The following ABCC5 variants were observed in gnomAD, a reference collection of about 807,000 sequenced individuals.
ABCC5 encodes the protein ATP-binding cassette sub-family C member 5.
In ABCC5, 61 loss-of-function variants were observed where a neutral mutation model predicts 160.9. That is an observed-to-expected ratio of 0.38 (90% CI 0.31 to 0.47). The LOEUF (loss-of-function observed/expected upper bound fraction) is 0.47, where lower values mean the gene tolerates loss of function less well. Ranked by LOEUF, ABCC5 falls within the 20% of genes least tolerant of loss-of-function variation. The pLI, the probability that ABCC5 is intolerant of heterozygous loss-of-function variation, is 0.99. For missense variants in ABCC5, 1,308 were observed against 1,813.3 expected (o/e 0.72, Z 5.06); for synonymous variants, 666 against 700.6 (o/e 0.95, Z 0.78).
At chr3:183,938,375 T>C (rs1713957064) in intron 25 of ABCC5, among the ~76,000 whole-genome samples, 1 of 152,006 alleles carries the variant, frequency 6.6e-6, no homozygotes, top group Non-Finnish European at 1.5e-5. Context: ...CTCGGCTCAC[T>C]GCAACCTCTG....
intron 2 of ABCC5, among the ~76,000 whole-genome samples, chr3:183,995,810 G>C (rs1720226840): frequency 6.6e-6 from 1 of 152,050 alleles, no homozygotes; most frequent in East Asian, 1.9e-4. Context: ...GGGTTTTCTT[G>C]TTGTTGTTTT....
intron 25 of ABCC5, 167 bp downstream of exon 25, chr3:183,942,560 T>G (rs763747987): frequency 2.5e-5 from 21 of 824,440 alleles, no homozygotes; most frequent in Non-Finnish European, 3.8e-5. Flanking sequence ...AAGCACTCAA[T>G]GTCATCAAAG....
rs1455483792 is a variant in ABCC5 at position 183,951,825 on chromosome 3, G to C, written c.2814+32C>G. 1.9e-6 allele frequency: 3 copies of C among 1,602,788 alleles called. No homozygotes were observed. The highest frequency in any genetic ancestry group is 2.7e-5 in the African/African-American group (2 of 74,892). On this transcript the variant is annotated intron_variant, in intron 19 of 29. Coordinates refer to ENST00000334444, the MANE Select transcript of ABCC5 (RefSeq NM_005688.4). This position sits in a 1 kb window ranked among gnomAD's most constrained non-coding sequence, Gnocchi z 4.7. ...CAAAGCCTGACCACAGGTCACCAGG[G>C]AGGAGGGCAGAGACCACCCACCAAT... is the stretch of plus-strand genomic sequence containing the variant.
intron 8 of ABCC5, among the ~76,000 whole-genome samples, chr3:183,979,245 T>C (rs183870278): frequency 2.0e-5 from 3 of 151,794 alleles, no homozygotes; most frequent in Non-Finnish European, 4.4e-5. Flanking sequence ...CTTGGGAGGC[T>C]GAGGCCGGAG....
chr3:183,953,305 G>A, intron 17 of ABCC5, 35 bp from the exon 18 acceptor site: 2 of 1,558,204 alleles, frequency 1.3e-6, no homozygotes, highest in Non-Finnish European at 1.7e-6. Context: ...GACTCAGAAG[G>A]GAAGAACTAT....
chr3:183,985,426 CA>C, intron 5 of ABCC5: 2 of 1,515,152 alleles, frequency 1.3e-6, no homozygotes, highest in Non-Finnish European at 9.2e-7. Context: ...AGACTCCCCC[CA>C]AATCCAGATC....
chr3:183,987,733 C>T lies in ABCC5; in HGVS notation c.591+37G>A, dbSNP rs912403943. On this transcript the variant is annotated intron_variant, in intron 5 of 29. Transcript: ENST00000334444. The surrounding 1 kb of genome is among the most constrained non-coding windows in gnomAD (Gnocchi z 4.2). Reference sequence around the variant, plus strand: ...AGTGTTAGAGCTGGCCGTGGCCGGGCCCCTGGAGACTGTCGGAAAGGATGG... The same window carrying T: ...AGTGTTAGAGCTGGCCGTGGCCGGGTCCCTGGAGACTGTCGGAAAGGATGG... The T allele has an allele frequency of 5.0e-6, 8 of 1,613,852 alleles. No individual in the cohort carries two copies. The highest frequency in any genetic ancestry group is 2.2e-5 in the East Asian group (1 of 44,850).
At chr3:183,994,835 G>A (rs1214343001) in intron 2 of ABCC5, among the ~76,000 whole-genome samples, 1 of 149,826 alleles carries the variant, frequency 6.7e-6, no homozygotes, top group Non-Finnish European at 1.5e-5. Context: ...ATCTGTTCAA[G>A]TCTTTTGCCC....
intron 2 of ABCC5, among the ~76,000 whole-genome samples, chr3:183,995,066 G>A (rs1720154289): frequency 6.6e-6 from 1 of 151,634 alleles, no homozygotes; most frequent in South Asian, 2.1e-4. Flanking sequence ...GGCCGGTCTT[G>A]AACTCCTGGG....
chr3:183,925,549 C>A lies in ABCC5; in HGVS notation c.4212+6G>T. On this transcript the variant is annotated splice_donor_region_variant and intron_variant, in intron 29 of 29. Transcript: ENST00000334444. ...GCCAAGCCAAAGTTCCTGAAGGACT[C>A]GGTACCTGTCCCTGGGCCAGCACCA... 6.2e-7 allele frequency: 1 copy of A among 1,611,880 alleles called. No homozygotes were observed. The highest frequency in any genetic ancestry group is 8.5e-7 in the Non-Finnish European group (1 of 1,179,488).
At chr3:184,005,901 AG>A (rs1245042468) in intron 2 of ABCC5, among the ~76,000 whole-genome samples, 2 of 113,416 alleles carry the variant, frequency 1.8e-5, no homozygotes, top group Non-Finnish European at 3.5e-5. Flanking sequence ...ATAAAGATTT[AG>A]GTACTTAAAA....
intron 2 of ABCC5, chr3:184,001,165 A>G: frequency 2.2e-6 from 1 of 448,134 alleles, no homozygotes; most frequent in East Asian, 3.3e-5. Context: ...AGGCAGGAGG[A>G]TCACAGGAGC....
rs1275102815 is a variant in ABCC5 at position 183,933,584 on chromosome 3, T to C, written c.3854+4317A>G. 2.6e-5 allele frequency among the ~76,000 whole-genome samples: 4 copies of C among 151,796 alleles called. No homozygotes were observed. In the East Asian group the frequency reaches 5.8e-4, roughly 22 times the overall value. On this transcript the variant is annotated intron_variant, in intron 26 of 29. Coordinates refer to ENST00000334444, the MANE Select transcript of ABCC5 (RefSeq NM_005688.4). ...GGAGGCAATCATGAGGGCAAAACAA[T>C]AGGGAGCTGCAGAAACACAGGCTGG...
At chr3:183,984,975 CA>C in intron 5 of ABCC5, 1 of 1,199,934 alleles carries the variant, frequency 8.3e-7, no homozygotes, top group East Asian at 2.5e-5. Context: ...TGGGTAATAG[CA>C]TCAGCGCCTC....
intron 2 of ABCC5, chr3:184,001,004 A>G (rs1187152128): frequency 5.1e-6 from 2 of 392,990 alleles, no homozygotes; most frequent in Non-Finnish European, 9.0e-6. Flanking sequence ...TGTCATCACA[A>G]CACTTTGGGA....
intron 5 of ABCC5, 102 bp from the exon 6 acceptor site, chr3:183,983,109 G>A: frequency 8.8e-7 from 1 of 1,130,008 alleles, no homozygotes; most frequent in Non-Finnish European, 1.3e-6. Context: ...TCCACTCAGG[G>A]ACCAGTGCGC....
rs1439867194 is a variant in ABCC5 at position 183,954,242 on chromosome 3, G to A, written c.2483-972C>T. ...AGCTCACTGCAACCTCCGCCTTCCC[G>A]GGTTCAAGCAATTCTCCTGCCTTAG... On this transcript the variant is annotated intron_variant, in intron 17 of 29. Coordinates refer to ENST00000334444, the MANE Select transcript of ABCC5 (RefSeq NM_005688.4). 3.3e-5 allele frequency among the ~76,000 whole-genome samples: 5 copies of A among 152,066 alleles called. No individual in the cohort carries two copies. The East Asian group carries it at 5.8e-4, about 18-fold the overall frequency.
intron 26 of ABCC5, among the ~76,000 whole-genome samples, chr3:183,930,335 C>T (rs1238312826): frequency 2.0e-5 from 3 of 152,244 alleles, no homozygotes; most frequent in Admixed American, 6.5e-5. Flanking sequence ...TGCTCTCCAG[C>T]GCCTCTTGCC....
intron 2 of ABCC5, among the ~76,000 whole-genome samples, chr3:183,996,908 G>A (rs1720333746): frequency 6.6e-6 from 1 of 152,058 alleles, no homozygotes; most frequent in Non-Finnish European, 1.5e-5. Context: ...CAATCTTGTT[G>A]TCATATCTTT....
Sources: gnomAD v4.1 joint callset for allele counts (sites outside exome capture counted in the v4.1 genomes callset) on GRCh38, gnomAD v4.1.1 for gene constraint, Gnocchi (gnomAD v3.1) non-coding constraint, MANE v1.5 for transcripts, NCBI Gene and HGNC (gene_info 2026-07-23, HGNC 2026-07-21) for gene names.